FLYWCH1: variants seen among roughly 807,000 people sequenced by gnomAD.
FLYWCH1 encodes FLYWCH-type zinc finger 1.
In FLYWCH1, 75 loss-of-function variants were observed where a neutral mutation model predicts 66.4. That is an observed-to-expected ratio of 1.13 (90% confidence interval 0.94 to 1.37). The LOEUF (loss-of-function observed/expected upper bound fraction) is 1.37. FLYWCH1 is among the 40% of genes most tolerant of loss of function. The pLI is 0.00. For missense variants in FLYWCH1, 1,334 were observed against 1,001.8 expected, an observed-to-expected ratio of 1.33 and a Z score of -4.48; for synonymous variants, 595 against 429.9, an observed-to-expected ratio of 1.38 and a Z score of -4.75.
chr16:2,926,401 CT>C (rs138867195), intron 2 of FLYWCH1, among the ~76,000 whole-genome samples: 366 of 152,252 alleles, frequency 2.4e-3, no homozygotes, highest in Non-Finnish European at 3.2e-3. Flanking sequence ...TCTGATGCCC[CT>C]GAAAGCTATG....
chr16:2,941,212 GGAGGCA>G (rs1192605025), intron 9 of FLYWCH1, among the ~76,000 whole-genome samples: 5 of 152,130 alleles, frequency 3.3e-5, no homozygotes, highest in African/African-American at 1.2e-4. Context: ...CAACACTCTG[GGAGGCA>G]GAGGCAGGAG....
At chr16:2,913,253 A>G (rs911980650) in intron 1 of FLYWCH1, 1 of 152,340 alleles carries the variant, frequency 6.6e-6, no homozygotes, top group African/African-American at 2.4e-5. Context: ...AGGTCGTGGT[A>G]AGGGATCATG....
intron 8 of FLYWCH1, 184 bp from the exon 9 acceptor site, chr16:2,939,848 G>C (rs910116481): frequency 8.7e-6 from 5 of 576,040 alleles, no homozygotes; most frequent in Non-Finnish European, 1.5e-5. Context: ...TCAACTCTTA[G>C]GAGCTCAAGT....
intron 6 of FLYWCH1, 183 bp from the exon 7 acceptor site, chr16:2,936,938 C>A: frequency 1.2e-6 from 1 of 800,078 alleles, no homozygotes; most frequent in Non-Finnish European, 2.0e-6. Flanking sequence ...CCTCAGGAGG[C>A]GGACCCCAGC....
intron 4 of FLYWCH1, among the ~76,000 whole-genome samples, chr16:2,932,792 G>A (rs2070814348): frequency 6.6e-6 from 1 of 152,026 alleles, no homozygotes; most frequent in East Asian, 1.9e-4. Flanking sequence ...CCCTCCCGGT[G>A]TAACCTTGAT....
chr16:2,938,519 C>G, intron 8 of FLYWCH1, 63 bp downstream of exon 8: 1 of 1,453,514 alleles, frequency 6.9e-7, no homozygotes, highest in Non-Finnish European at 9.1e-7. Context: ...CAGCTCAGAA[C>G]TGATGCCCCA....
intron 4 of FLYWCH1, among the ~76,000 whole-genome samples, chr16:2,931,896 G>A (rs1195448929): frequency 2.6e-5 from 4 of 152,064 alleles, no homozygotes; most frequent in African/African-American, 7.2e-5. Flanking sequence ...GGCGGATCAC[G>A]AGGTCAGGAG....
intron 6 of FLYWCH1, among the ~76,000 whole-genome samples, chr16:2,934,346 A>G (rs2150968435): frequency 1.3e-5 from 2 of 152,258 alleles, no homozygotes; most frequent in South Asian, 4.1e-4. Context: ...TTAACGTCTG[A>G]GTGGTTAAGG....
chr16:2,935,914 CTTT>C (rs531179302), intron 6 of FLYWCH1: 25 of 143,544 alleles, frequency 1.7e-4, no homozygotes, highest in South Asian at 2.2e-4. Flanking sequence ...ATGAGGGCGT[CTTT>C]TTTTTTTTTT....
At chr16:2,935,970 C>T (rs9921486) in intron 6 of FLYWCH1, 42,773 of 159,380 alleles carry the variant, frequency 0.27, 8,215 homozygotes, top group African/African-American at 0.53. Context: ...AGTGTAGTGG[C>T]GTGGTCTTGG....
At position 2,929,967 on chromosome 16, in the gene FLYWCH1, A is replaced by C; in HGVS notation, c.282A>C (p.Pro94=). The change falls in exon 3 of 10, where the codon CCA becomes CCC. Residue 94 remains proline (P), a synonymous_variant. Coordinates refer to ENST00000253928, the MANE Select transcript of FLYWCH1 (RefSeq NM_001308068.2). ...AGGAGCAGGGAGGGGTGGTCCAGCC[A>C]GCCCTAGAGATGCCTGAACAGAAGT... ...PVEEQGGVVQ[P]ALEMPEQKCS... is the part of the protein sequence containing the mutation. 6.2e-7 allele frequency: 1 copy of C among 1,611,578 alleles called. No homozygotes were observed. Among genetic ancestry groups the C allele is most frequent in the South Asian group, 1.1e-5 (1 of 91,064 alleles).
chr16:2,932,072 C>A (rs184745711), intron 4 of FLYWCH1, among the ~76,000 whole-genome samples: 8 of 146,882 alleles, frequency 5.4e-5, no homozygotes, highest in Non-Finnish European at 1.0e-4. Flanking sequence ...GGGCCAAGAT[C>A]GTGCCACCGC....
chr16:2,944,681 G>A, intron 9 of FLYWCH1, among the ~76,000 whole-genome samples: 1 of 151,440 alleles, frequency 6.6e-6, no homozygotes, highest in African/African-American at 2.4e-5. Flanking sequence ...AAATTAGCTA[G>A]GCATGGTGGC....
chr16:2,934,795 C>T (rs148648212), intron 6 of FLYWCH1: 3 of 360,870 alleles, frequency 8.3e-6, no homozygotes, highest in Non-Finnish European at 1.7e-5. Context: ...GCTCCTGACC[C>T]CACAAGTAAC....
intron 2 of FLYWCH1, among the ~76,000 whole-genome samples, chr16:2,919,960 G>A (rs1220833079): frequency 6.6e-6 from 1 of 152,060 alleles, no homozygotes; most frequent in Non-Finnish European, 1.5e-5. Context: ...CCTCTGGTGG[G>A]GGCTTCCTGC....
rs966202827 is a variant in FLYWCH1, at chr16:2,930,907, G to A, written c.796+27G>A. ...TGAGTACAATCCACTCCCCTGCTGC[G>A]TCCACTCGGGGCAGGGGACCCGAGG... On this transcript the variant is annotated intron_variant, in intron 4 of 9. Transcript: ENST00000253928. The A allele has an allele frequency of 2.3e-5, 36 of 1,536,972 alleles. No homozygotes were observed. In the Admixed American group the frequency reaches 5.1e-4, roughly 22 times the overall value.
intron 9 of FLYWCH1, among the ~76,000 whole-genome samples, chr16:2,947,419 T>TAAC (rs35143596): frequency 0.66 from 100,312 of 151,796 alleles, 34,522 homozygotes; most frequent in African/African-American, 0.87. Flanking sequence ...ATTGTACACT[T>TAAC]AACGGATTTT....
At chr16:2,919,769 A>G (rs2070303754) in intron 2 of FLYWCH1, among the ~76,000 whole-genome samples, 1 of 152,164 alleles carries the variant, frequency 6.6e-6, no homozygotes, top group African/African-American at 2.4e-5. Context: ...AAAAATTTCC[A>G]AATTCTTGTT....
At chr16:2,935,256 C>G (rs775323817) in intron 6 of FLYWCH1, 1 of 152,462 alleles carries the variant, frequency 6.6e-6, no homozygotes, top group African/African-American at 2.4e-5. Context: ...GAAACCTGCT[C>G]GCGGCTGACT....
Sources: gnomAD v4.1 joint callset for allele counts (sites outside exome capture counted in the v4.1 genomes callset) on GRCh38, gnomAD v4.1.1 for gene constraint, MANE v1.5 for transcripts, NCBI Gene and HGNC (gene_info 2026-07-23, HGNC 2026-07-21) for gene names.